Variants in TDRD3 observed in about 807,000 individuals in gnomAD.
TDRD3 encodes the protein tudor domain containing 3.
A neutral mutation model predicts 86.7 loss-of-function variants in TDRD3; 45 were observed. The observed-to-expected ratio is 0.52, with a 90% CI of 0.41 to 0.67. The LOEUF (loss-of-function observed/expected upper bound fraction) is 0.67, where lower values mean the gene tolerates loss of function less well. Ranked by LOEUF, TDRD3 falls within the 30% of genes least tolerant of loss-of-function variation. The pLI is 0.00. For synonymous variants in TDRD3, 298 were observed against 301.7 expected, an observed-to-expected ratio of 0.99 and a Z score of 0.13; for missense variants, 814 against 889.0, an observed-to-expected ratio of 0.92 and a Z score of 1.07.
intron 7 of TDRD3, among the ~76,000 whole-genome samples, chr13:60,489,836 A>T (rs79475938): frequency 0.028 from 4,306 of 152,282 alleles, 111 homozygotes; most frequent in Middle Eastern, 0.044. Flanking sequence ...GGAGTTTCAG[A>T]AGATATTGAG....
chr13:60,487,539 A>G (rs1014209302), intron 7 of TDRD3, among the ~76,000 whole-genome samples: 4 of 152,232 alleles, frequency 2.6e-5, no homozygotes, highest in African/African-American at 7.2e-5. Context: ...TGCAAATGCT[A>G]TATCATTTTA....
intron 12 of TDRD3, among the ~76,000 whole-genome samples, chr13:60,557,819 G>GTT (rs1491187240): frequency 1.1e-5 from 1 of 89,934 alleles, no homozygotes; most frequent in Non-Finnish European, 2.6e-5. Context: ...TTTTTTTCCT[G>GTT]ATTTTTTTTT....
At chr13:60,486,451 A>G (rs1432527029) in intron 7 of TDRD3, among the ~76,000 whole-genome samples, 1 of 152,080 alleles carries the variant, frequency 6.6e-6, no homozygotes, top group Non-Finnish European at 1.5e-5. Context: ...TTATCTTTAC[A>G]TTATATGTCT....
At chr13:60,432,486 G>A (rs1032517568) in intron 1 of TDRD3, among the ~76,000 whole-genome samples, 16 of 152,020 alleles carry the variant, frequency 1.1e-4, no homozygotes, top group African/African-American at 3.9e-4. Flanking sequence ...GAGGGAATTG[G>A]CAAGTTAATT....
At chr13:60,480,848 A>G (rs1174382389) in intron 5 of TDRD3, among the ~76,000 whole-genome samples, 2 of 152,048 alleles carry the variant, frequency 1.3e-5, no homozygotes, top group Admixed American at 6.6e-5. Context: ...CATGCAGGAA[A>G]TGCTCCTTTG....
In TDRD3 at chr13:60,453,954, C is replaced by T. The variant is rs909613035; in HGVS notation, c.193-6426C>T. On this transcript the variant is annotated intron_variant, in intron 3 of 13. Coordinates refer to ENST00000377881, the MANE Select transcript of TDRD3 (RefSeq NM_001146070.2). ...TTAAGGCTATCAATTTTTCTTCTAG[C>T]ACTGATTTAACTATACTCCTATATT... Among the ~76,000 whole-genome samples the T allele has an allele frequency of 2.6e-5, 4 of 151,706 alleles. No individual in the cohort carries two copies. In the East Asian group the frequency reaches 5.8e-4, roughly 22 times the overall value.
chr13:60,426,577 A>T (rs1444265267), intron 1 of TDRD3, among the ~76,000 whole-genome samples: 1 of 152,174 alleles, frequency 6.6e-6, no homozygotes, highest in Non-Finnish European at 1.5e-5. Context: ...ACACTTTGCA[A>T]ATAATTCTAA....
intron 9 of TDRD3, 127 bp downstream of exon 9, chr13:60,510,046 C>T (rs1440492308): frequency 1.8e-6 from 2 of 1,113,500 alleles, no homozygotes. Context: ...GTGGAAGGAA[C>T]ACCAGTTTGG....
At chr13:60,536,677 T>C (rs556595314) in intron 12 of TDRD3, 2 of 152,264 alleles carry the variant, frequency 1.3e-5, no homozygotes, top group South Asian at 2.1e-4. Context: ...TATTTACTTC[T>C]TACTTTTTAG....
intron 13 of TDRD3, among the ~76,000 whole-genome samples, chr13:60,569,961 C>G (rs116838197): frequency 5.1e-4 from 77 of 152,228 alleles, no homozygotes; most frequent in African/African-American, 1.8e-3. Flanking sequence ...CTATGACACT[C>G]GTAGATGACA....
chr13:60,403,884 T>A (rs556343278), intron 1 of TDRD3, among the ~76,000 whole-genome samples: 1 of 152,342 alleles, frequency 6.6e-6, no homozygotes, highest in South Asian at 2.1e-4. Context: ...GTAAGGCATA[T>A]ACAGAGAAAT....
intron 12 of TDRD3, among the ~76,000 whole-genome samples, chr13:60,550,113 A>T (rs769550308): frequency 2.6e-5 from 4 of 152,136 alleles, no homozygotes; most frequent in Non-Finnish European, 4.4e-5. Context: ...CTAAGAGTAG[A>T]GAGAGCTTAG....
At chr13:60,489,971 C>G (rs1174508324) in intron 7 of TDRD3, among the ~76,000 whole-genome samples, 1 of 151,174 alleles carries the variant, frequency 6.6e-6, no homozygotes. Flanking sequence ...GCATAGTTAA[C>G]CTATTATAAT....
At chr13:60,572,061 T>C (rs1385731442) in intron 13 of TDRD3, among the ~76,000 whole-genome samples, 1 of 152,158 alleles carries the variant, frequency 6.6e-6, no homozygotes, top group Non-Finnish European at 1.5e-5. Flanking sequence ...ACCAAAACTT[T>C]GTGCGTTTGG....
intron 13 of TDRD3, among the ~76,000 whole-genome samples, chr13:60,567,864 C>T (rs1958500172): frequency 6.6e-6 from 1 of 151,240 alleles, no homozygotes; most frequent in Admixed American, 6.6e-5. Flanking sequence ...GCTGGGATTA[C>T]AGGCATCCAC....
At chr13:60,398,523 T>C (rs1954006169) in intron 1 of TDRD3, among the ~76,000 whole-genome samples, 1 of 152,212 alleles carries the variant, frequency 6.6e-6, no homozygotes, top group African/African-American at 2.4e-5. Flanking sequence ...TGGATTTGAT[T>C]TTGTGAATAA....
chr13:60,504,840 G>A (rs193246463), intron 8 of TDRD3, among the ~76,000 whole-genome samples: 42 of 152,248 alleles, frequency 2.8e-4, no homozygotes, highest in Admixed American at 4.6e-4. Flanking sequence ...CAAGGGGTCG[G>A]GGAACTGTCT....
At chr13:60,516,730 A>G (rs1957178613) in intron 10 of TDRD3, among the ~76,000 whole-genome samples, 1 of 152,230 alleles carries the variant, frequency 6.6e-6, no homozygotes, top group Non-Finnish European at 1.5e-5. Context: ...AGTGCTTGGC[A>G]TCAGCAACAG....
intron 3 of TDRD3, among the ~76,000 whole-genome samples, chr13:60,455,686 G>A (rs1027368213): frequency 5.9e-5 from 9 of 152,152 alleles, no homozygotes; most frequent in African/African-American, 2.2e-4. Context: ...TTGGGTGTAT[G>A]GTTTGTTTCT....
Sources: allele counts gnomAD v4.1 joint callset (sites outside exome capture counted in the v4.1 genomes callset), GRCh38; gene constraint gnomAD v4.1.1; transcripts MANE v1.5; gene names NCBI Gene and HGNC (gene_info 2026-07-23, HGNC 2026-07-21).